Variants in MAEL observed in about 807,000 individuals in gnomAD.
MAEL encodes the protein maelstrom spermatogenic transposon silencer, also known as protein maelstrom homolog.
MAEL carries 46 observed loss-of-function variants against 62.0 expected under a neutral mutation model. That is an observed-to-expected ratio of 0.74 (90% CI 0.59 to 0.95). The LOEUF is 0.95. MAEL is among the 40% of genes least tolerant of loss of function. The probability of loss-of-function intolerance (pLI) is 0.00; values close to 1 mark genes in which losing one functional copy is unlikely to be tolerated. For missense variants in MAEL, 497 were observed against 526.8 expected (o/e 0.94, Z 0.55); for synonymous variants, 172 against 175.5 (o/e 0.98, Z 0.16).
chr1:167,020,031 T>C (rs937970023), intron 10 of MAEL, among the ~76,000 whole-genome samples: 1 of 152,150 alleles, frequency 6.6e-6, no homozygotes, highest in Non-Finnish European at 1.5e-5. Context: ...CATCCCCCTC[T>C]CAGACTACCA....
rs1390307999 is a variant in MAEL, at chr1:166,991,448, T to C, written c.296T>C (p.Met99Thr). 1 of 1,612,518 alleles carries C rather than the reference T, an allele frequency of 6.2e-7. No homozygotes were observed. The highest frequency in any genetic ancestry group is 8.5e-7 in the Non-Finnish European group (1 of 1,178,670). ...AAGCAGAATGTTTCACCTCCAGATA[T>C]GTCAGCTTTGTCTTTAAAAGGTGAT... ...VPKQNVSPPD[M>T]SALSLKGDQA... The change falls in exon 3 of 12, where the codon ATG (methionine) becomes ACG (threonine). Residue 99 changes from methionine (M) to threonine (T), a missense_variant. Transcript: ENST00000367872.
upstream of MAEL, among the ~76,000 whole-genome samples, chr1:166,985,573 G>A (rs576864627): frequency 7.9e-5 from 12 of 152,278 alleles, no homozygotes; most frequent in African/African-American, 1.9e-4. Flanking sequence ...TATCAGTAGA[G>A]GAGAAAATTA....
chr1:167,005,369 G>A lies in MAEL; in HGVS notation c.817G>A (p.Ala273Thr). Residue 273 changes from alanine (A) to threonine (T), a missense_variant, in exon 8 of 12, where the codon GCC becomes ACC. By Grantham distance (58) the Ala-to-Thr change is moderately conservative. Coordinates refer to ENST00000367872, the MANE Select transcript of MAEL (RefSeq NM_032858.3). Reference sequence around the variant, plus strand: ...TTGGATTCGAAGCCTCCTAGATGTGGCCATGTGGGATTATTCTAGCAACAC... The same window carrying A: ...TTGGATTCGAAGCCTCCTAGATGTGACCATGTGGGATTATTCTAGCAACAC... ...KTWIRSLLDV[A>T]MWDYSSNTRC... 1 of 1,611,606 alleles carries A rather than the reference G, an allele frequency of 6.2e-7. No individual in the cohort carries two copies.
At chr1:166,985,577 A>G (rs1431857111), upstream of MAEL, among the ~76,000 whole-genome samples, 3 of 152,248 alleles carry the variant, frequency 2.0e-5, no homozygotes, top group African/African-American at 7.2e-5. Flanking sequence ...AGTAGAGGAG[A>G]AAATTAGCCT....
intron 9 of MAEL, among the ~76,000 whole-genome samples, chr1:167,017,415 G>GT (rs1665443202): frequency 6.6e-6 from 1 of 152,106 alleles, no homozygotes; most frequent in African/African-American, 2.4e-5. Flanking sequence ...TTTTGTTCTC[G>GT]TTTTGTAGTG....
At chr1:167,014,644 T>C (rs987161242) in intron 8 of MAEL, among the ~76,000 whole-genome samples, 9 of 152,248 alleles carry the variant, frequency 5.9e-5, no homozygotes, top group Admixed American at 2.0e-4. Flanking sequence ...TTGTTTCTTC[T>C]GTGAAGATAG....
intron 5 of MAEL, among the ~76,000 whole-genome samples, chr1:166,998,073 T>C (rs1182117331): frequency 1.3e-5 from 2 of 152,210 alleles, no homozygotes; most frequent in Non-Finnish European, 2.9e-5. Flanking sequence ...CAATATCATA[T>C]TCTTAAACAC....
chr1:167,005,525 G>A (rs1664855094), intron 8 of MAEL, 128 bp downstream of exon 8: 1 of 784,626 alleles, frequency 1.3e-6, no homozygotes, highest in South Asian at 2.3e-5. Flanking sequence ...GTATTTCCCT[G>A]AATATAAAAT....
In MAEL at chr1:167,005,130, G is replaced by A. The variant is rs1382227235; in HGVS notation, c.703G>A (p.Glu235Lys). 2 of 1,613,440 alleles carry A rather than the reference G, an allele frequency of 1.2e-6. No homozygotes were observed. The highest frequency in any genetic ancestry group is 2.7e-5 in the African/African-American group (2 of 74,890). The change falls in exon 7 of 12, where the codon GAA becomes AAA. Residue 235 changes from glutamate (E) to lysine (K), a missense_variant and splice_region_variant. Physicochemically the swap from Glu to Lys is moderately conservative, Grantham distance 56 (BLOSUM62 1). Coordinates refer to ENST00000367872, the MANE Select transcript of MAEL (RefSeq NM_032858.3). Reference protein sequence around the residue: ...WCLKHMAKASEIRQDLQLLTV... With the variant: ...WCLKHMAKASKIRQDLQLLTV... ...TTTGAAGCATATGGCAAAGGCATCA[G>A]GTAAGTAAAACTCTGGGTTGCTGCA... is the stretch of plus-strand genomic sequence containing the variant.
At chr1:166,994,676 T>TTC (rs1664335474) in intron 5 of MAEL, among the ~76,000 whole-genome samples, 1 of 148,868 alleles carries the variant, frequency 6.7e-6, no homozygotes, top group African/African-American at 2.5e-5. Flanking sequence ...ATTTTTTTTT[T>TTC]TTTTTTTTTT....
chr1:166,989,858 C>T, intron 2 of MAEL, 29 bp downstream of exon 2: 2 of 1,551,658 alleles, frequency 1.3e-6, no homozygotes, highest in South Asian at 2.3e-5. Flanking sequence ...GAGCCGCCAT[C>T]TGCCTGGCAC....
chr1:166,984,869 T>C (rs1407391762), upstream of MAEL, among the ~76,000 whole-genome samples: 2 of 152,220 alleles, frequency 1.3e-5, no homozygotes, highest in East Asian at 3.8e-4. Context: ...AGCCACCTGC[T>C]CCTCATAGAG....
intron 8 of MAEL, among the ~76,000 whole-genome samples, chr1:167,009,439 G>GTTGA (rs1285435526): frequency 6.6e-6 from 1 of 152,062 alleles, no homozygotes; most frequent in African/African-American, 2.4e-5. Context: ...ACTGGAGTTA[G>GTTGA]TTGATCATTT....
chr1:167,006,601 C>CCATATATATATATATATATATA (rs1295162731), intron 8 of MAEL, among the ~76,000 whole-genome samples: 7 of 98,068 alleles, frequency 7.1e-5, no homozygotes, highest in African/African-American at 2.4e-4. Context: ...TGGTTTTTTA[C>CCATATATATATATATATATATA]TATATATATA....
At chr1:167,018,922 T>A (rs572612208) in intron 10 of MAEL, among the ~76,000 whole-genome samples, 3 of 152,294 alleles carry the variant, frequency 2.0e-5, no homozygotes, top group Non-Finnish European at 4.4e-5. Context: ...TGTATCCTGA[T>A]TGTGGTGTTT....
Position 166,989,827 on chromosome 1 carries a change from C to T in MAEL, c.223C>T (p.Gln75Ter). ...AAAGGACCCTGGGCCCTCAGAGAAG[C>T]AGGTAAAGTTAACGAGAGAAGAGCC... Reference protein sequence around the residue: ...QGKDPGPSEKQKPVFTPLRRP... With the variant: ...QGKDPGPSEK The change falls in exon 2 of 12, where the codon CAG becomes TAG. Residue 75 changes from glutamine (Q) to a stop codon, truncating the protein, a stop_gained and splice_region_variant. Coordinates refer to ENST00000367872, the MANE Select transcript of MAEL (RefSeq NM_032858.3). LOFTEE classifies it high-confidence loss of function. The T allele has an allele frequency of 6.2e-7, 1 of 1,610,232 alleles. No individual in the cohort carries two copies. The highest frequency in any genetic ancestry group is 8.5e-7 in the Non-Finnish European group (1 of 1,178,702).
chr1:167,007,880 A>G (rs1287639201), intron 8 of MAEL, among the ~76,000 whole-genome samples: 1 of 152,088 alleles, frequency 6.6e-6, no homozygotes, highest in African/African-American at 2.4e-5. Flanking sequence ...TATAGTCAAA[A>G]TACTTTGTTC....
At chr1:166,990,090 C>A (rs960802699) in intron 2 of MAEL, 5 of 334,538 alleles carry the variant, frequency 1.5e-5, no homozygotes, top group African/African-American at 1.1e-4. Context: ...GTAGACAATA[C>A]ACTTTGATCG....
At chr1:166,981,300 C>A (rs1284391964) in intron 1 of MAEL, among the ~76,000 whole-genome samples, 2 of 152,222 alleles carry the variant, frequency 1.3e-5, no homozygotes, top group Non-Finnish European at 2.9e-5. Context: ...CCAGTGTATT[C>A]ATCTTACCTT....
Sources: gnomAD v4.1 joint callset for allele counts (sites outside exome capture counted in the v4.1 genomes callset) on GRCh38, gnomAD v4.1.1 for gene constraint, MANE v1.5 for transcripts, NCBI Gene and HGNC (gene_info 2026-07-23, HGNC 2026-07-21) for gene names.